SPANXN1: variants seen among roughly 807,000 people sequenced by gnomAD.
The protein encoded by SPANXN1 is SPANX family member N1.
Under a neutral mutation model 2.0 loss-of-function variants are expected in SPANXN1, and 1 was observed. The ratio of observed to expected loss-of-function variants is 0.50; its 90% CI spans 0.18 to 2.36. The LOEUF (loss-of-function observed/expected upper bound fraction) is 2.36, where lower values mean the gene tolerates loss of function less well. Among genes scored for constraint, SPANXN1 ranks in the 30% most tolerant of loss-of-function variants. The pLI is 0.26. For synonymous variants in SPANXN1, 27 were observed against 21.3 expected (o/e 1.27, Z -0.74); for missense variants, 55 against 51.8 (o/e 1.06, Z -0.19).
At position 145,252,349 on chromosome X, in the gene SPANXN1, G is replaced by A. The variant is rs782632858; in HGVS notation, c.76-3322G>A. Among the ~76,000 whole-genome samples, 3 of 111,097 alleles carry A rather than the reference G, an allele frequency of 2.7e-5. No homozygotes were observed. The South Asian group carries it at 1.2e-3, about 43-fold the overall frequency. Reference sequence around the variant, plus strand: ...GAGTATGAGAGAGTAGAGTATATGGGTTGCAGACCACCAGATGGATTGGTA... The same window carrying A: ...GAGTATGAGAGAGTAGAGTATATGGATTGCAGACCACCAGATGGATTGGTA... On this transcript the variant is annotated intron_variant, in intron 1 of 1. Coordinates refer to ENST00000370493, the MANE Select transcript of SPANXN1 (RefSeq NM_001009614.3).
chrX:145,249,908 G>T (rs2070778723), intron 1 of SPANXN1, among the ~76,000 whole-genome samples: 4 of 111,309 alleles, frequency 3.6e-5, no homozygotes, highest in Non-Finnish European at 7.5e-5. Context: ...ATAGAAGGGG[G>T]AGAAAATACG....
chrX:145,253,765 G>T (rs2070795795), intron 1 of SPANXN1, among the ~76,000 whole-genome samples: 1 of 110,961 alleles, frequency 9.0e-6, no homozygotes, highest in African/African-American at 3.3e-5. Flanking sequence ...TGTGTTCCCT[G>T]TCCTCCAGGG....
intron 1 of SPANXN1, among the ~76,000 whole-genome samples, chrX:145,253,461 C>A (rs1556882709): frequency 9.0e-6 from 1 of 110,539 alleles, no homozygotes; most frequent in Non-Finnish European, 1.9e-5. Context: ...ATGTCTGGGG[C>A]TGACTGGGAG....
chrX:145,250,363 G>A (rs1348066656), intron 1 of SPANXN1, among the ~76,000 whole-genome samples: 2 of 111,267 alleles, frequency 1.8e-5, no homozygotes, highest in Non-Finnish European at 3.8e-5. Context: ...ATGTTGATTT[G>A]CTAGTCCTGC....
intron 1 of SPANXN1, among the ~76,000 whole-genome samples, chrX:145,253,071 C>T (rs1250668477): frequency 9.0e-6 from 1 of 111,193 alleles, no homozygotes; most frequent in Non-Finnish European, 1.9e-5. Context: ...CTCTAGGCCC[C>T]GTCTGTCTTC....
At chrX:145,250,575 A>G (rs1367221264) in intron 1 of SPANXN1, among the ~76,000 whole-genome samples, 1 of 112,100 alleles carries the variant, frequency 8.9e-6, no homozygotes, top group Non-Finnish European at 1.9e-5. Flanking sequence ...ATGAAAGTTC[A>G]GAAGGTTTTT....
intron 1 of SPANXN1, among the ~76,000 whole-genome samples, chrX:145,254,744 C>T (rs1264414790): frequency 1.6e-4 from 18 of 111,702 alleles, no homozygotes; most frequent in Admixed American, 1.1e-3. Flanking sequence ...CACTAATTGA[C>T]GCCCAGTGTT....
chrX:145,247,563 G>C lies in SPANXN1; in HGVS notation c.-24G>C, dbSNP rs1556881944. 1.8e-5 allele frequency: 22 copies of C among 1,196,841 alleles called. No individual in the cohort carries two copies. The highest frequency in any genetic ancestry group is 2.1e-5 in the Non-Finnish European group (19 of 884,073). ...CTGGAGTCTACAAGAGCCTACTATA[G>C]ACATTCTACAACCAACCAGAATCAT... On this transcript the variant is annotated 5_prime_UTR_variant, in exon 1 of 2. Transcript: ENST00000370493.
At position 145,256,147 on chromosome X, in the gene SPANXN1, C is replaced by G; in HGVS notation, c.*333C>G. On this transcript the variant is annotated 3_prime_UTR_variant, in exon 2 of 2. Transcript: ENST00000370493. ...GATCATCTAGGTCAAGAAATGAAAT[C>G]GAAATTTCAGAAATTACAGAAATTC... is the stretch of plus-strand genomic sequence containing the variant. The G allele has an allele frequency of 2.4e-6, 1 of 422,386 alleles. No individual in the cohort carries two copies. Among genetic ancestry groups the G allele is most frequent in the South Asian group, 4.0e-5 (1 of 24,900 alleles). The allele number at this position is 422,386 out of a possible 1,213,427, so 34.8% of individuals were successfully genotyped here. A position where few individuals can be genotyped will look rare whatever the true frequency, so the allele number is the denominator to read the frequency against.
intron 1 of SPANXN1, among the ~76,000 whole-genome samples, chrX:145,254,082 G>A (rs1303615651): frequency 3.7e-5 from 4 of 108,596 alleles, no homozygotes; most frequent in African/African-American, 1.3e-4. Context: ...GTAAGGGGGT[G>A]GAGGAGCCGG....
intron 1 of SPANXN1, among the ~76,000 whole-genome samples, chrX:145,252,670 T>C: frequency 9.1e-6 from 1 of 110,155 alleles, no homozygotes; most frequent in Non-Finnish European, 1.9e-5. Flanking sequence ...ACAGGGTGGA[T>C]AATGAGGATG....
At chrX:145,248,359 G>A (rs1602854952) in intron 1 of SPANXN1, among the ~76,000 whole-genome samples, 1 of 111,233 alleles carries the variant, frequency 9.0e-6, no homozygotes, top group East Asian at 2.8e-4. Context: ...GGATATGAAG[G>A]TGAGTATACA....
Position 145,255,942 on chromosome X carries a change from A to C in SPANXN1, c.*128A>C. On this transcript the variant is annotated 3_prime_UTR_variant, in exon 2 of 2. Coordinates refer to ENST00000370493, the MANE Select transcript of SPANXN1 (RefSeq NM_001009614.3). Reference sequence around the variant, plus strand: ...GACTCAGCTGAAGGATCTTCAAAGCAGGATGAAGACCTAGACTTACCTGAA... The same window carrying C: ...GACTCAGCTGAAGGATCTTCAAAGCCGGATGAAGACCTAGACTTACCTGAA... 6.2e-6 allele frequency: 7 copies of C among 1,135,849 alleles called. No homozygotes were observed. Among genetic ancestry groups the C allele is most frequent in the Non-Finnish European group, 8.5e-6 (7 of 827,499 alleles). The allele number at this position is 1,135,849 out of a possible 1,213,427, so 93.6% of individuals were successfully genotyped here. A position where few individuals can be genotyped will look rare whatever the true frequency, so the allele number is the denominator to read the frequency against.
chrX:145,251,684 T>C, intron 1 of SPANXN1, among the ~76,000 whole-genome samples: 1 of 111,680 alleles, frequency 9.0e-6, no homozygotes, highest in Non-Finnish European at 1.9e-5. Flanking sequence ...TTTTGTTTGT[T>C]TGTTTTGGTT....
intron 1 of SPANXN1, among the ~76,000 whole-genome samples, chrX:145,248,800 G>A (rs1445489901): frequency 9.0e-5 from 10 of 111,379 alleles, no homozygotes; most frequent in Non-Finnish European, 5.6e-5. Flanking sequence ...GAGAGAGGGG[G>A]AAATGGGTTT....
intron 1 of SPANXN1, among the ~76,000 whole-genome samples, chrX:145,255,262 G>A (rs1556882961): frequency 9.0e-6 from 1 of 111,390 alleles, no homozygotes; most frequent in Non-Finnish European, 1.9e-5. Context: ...ATGATCAGGT[G>A]GTTTGGCCCT....
At chrX:145,248,277 G>T (rs1474512208) in intron 1 of SPANXN1, among the ~76,000 whole-genome samples, 1 of 111,702 alleles carries the variant, frequency 9.0e-6, no homozygotes, top group Non-Finnish European at 1.9e-5. Context: ...CTTGGCAGAG[G>T]AGAAGGATGG....
In SPANXN1 at chrX:145,248,826, A is replaced by G. The variant is rs782668456; in HGVS notation, c.75+1165A>G. Among the ~76,000 whole-genome samples, 42 of 111,810 alleles carry G rather than the reference A, an allele frequency of 3.8e-4. 1 individual carries two copies. The highest frequency in any genetic ancestry group is 1.2e-3 in the African/African-American group (38 of 30,738). Reference sequence around the variant, plus strand: ...AAATGGGTTTTTGTAACTAATAGCCACTGTGGTCCTTACAGGGCAGAAGGA... The same window carrying G: ...AAATGGGTTTTTGTAACTAATAGCCGCTGTGGTCCTTACAGGGCAGAAGGA... On this transcript the variant is annotated intron_variant, in intron 1 of 1. Transcript: ENST00000370493.
chrX:145,254,959 C>T (rs782640776), intron 1 of SPANXN1, among the ~76,000 whole-genome samples: 16 of 111,202 alleles, frequency 1.4e-4, no homozygotes, highest in Admixed American at 9.5e-5. Context: ...TGCTGCTTTT[C>T]GCTTTCTGGG....
Sources: gnomAD v4.1 joint callset for allele counts (sites outside exome capture counted in the v4.1 genomes callset) on GRCh38, gnomAD v4.1.1 for gene constraint, MANE v1.5 for transcripts, NCBI Gene and HGNC (gene_info 2026-07-23, HGNC 2026-07-21) for gene names.